Variants in BNC2 observed in about 807,000 individuals in gnomAD.
The protein encoded by BNC2 is basonuclin zinc finger protein 2.
BNC2 carries 20 observed loss-of-function variants against 76.3 expected under a neutral mutation model. The observed-to-expected ratio is 0.26, with a 90% CI of 0.18 to 0.38. BNC2 has a LOEUF of 0.38. Ranked by LOEUF, BNC2 falls within the 10% of genes least tolerant of loss-of-function variation. The pLI is 1.00. For missense variants in BNC2, 1,382 were observed against 1,399.8 expected (o/e 0.99, Z 0.20); for synonymous variants, 582 against 514.8 (o/e 1.13, Z -1.77).
intron 3 of BNC2, chr9:16,665,320 A>C (rs1822238904): frequency 3.4e-6 from 1 of 290,878 alleles, no homozygotes; most frequent in Admixed American, 4.7e-5. Context: ...CAGTAAGCTA[A>C]GACCGTGCCA....
At chr9:16,502,248 T>G (rs1042137102) in intron 5 of BNC2, among the ~76,000 whole-genome samples, 1 of 152,108 alleles carries the variant, frequency 6.6e-6, no homozygotes, top group Non-Finnish European at 1.5e-5. Flanking sequence ...TCTGTAGTGC[T>G]AGCTACTTGG....
chr9:16,751,616 G>A (rs76063901), intron 1 of BNC2, among the ~76,000 whole-genome samples: 60 of 9,034 alleles, frequency 6.6e-3, no homozygotes, highest in East Asian at 0.028. Context: ...ATATATATAT[G>A]TGTATATATA....
chr9:16,673,527 T>G (rs1173982684), intron 3 of BNC2, among the ~76,000 whole-genome samples: 1 of 151,980 alleles, frequency 6.6e-6, no homozygotes, highest in African/African-American at 2.4e-5. Context: ...GTCTTCTATA[T>G]ACACAAGTCC....
intron 3 of BNC2, among the ~76,000 whole-genome samples, chr9:16,718,522 T>C (rs968830900): frequency 2.0e-5 from 3 of 152,144 alleles, no homozygotes; most frequent in Admixed American, 6.5e-5. Context: ...CATCTGAAAT[T>C]TGAGTCAGAG....
At chr9:16,652,159 A>G (rs1366044613) in intron 3 of BNC2, among the ~76,000 whole-genome samples, 7 of 152,222 alleles carry the variant, frequency 4.6e-5, no homozygotes, top group Non-Finnish European at 1.0e-4. Context: ...GATGAGACAT[A>G]AAGACCCAAC....
chr9:16,485,209 C>G (rs926704929), intron 5 of BNC2, among the ~76,000 whole-genome samples: 5 of 152,100 alleles, frequency 3.3e-5, no homozygotes, highest in African/African-American at 1.2e-4. Flanking sequence ...CAGCTTCCAT[C>G]TAAATGATCG....
intron 4 of BNC2, among the ~76,000 whole-genome samples, chr9:16,580,636 T>C (rs1182251893): frequency 6.6e-6 from 1 of 152,158 alleles, no homozygotes; most frequent in Non-Finnish European, 1.5e-5. Context: ...GGACATTAAA[T>C]AGATAAAACA....
intron 5 of BNC2, among the ~76,000 whole-genome samples, chr9:16,438,174 A>C (rs539807504): frequency 6.6e-6 from 1 of 152,304 alleles, no homozygotes; most frequent in South Asian, 2.1e-4. Context: ...AGGAAGAGTA[A>C]GAAAAACATC....
chr9:16,460,292 A>T (rs748939022), intron 5 of BNC2, among the ~76,000 whole-genome samples: 5 of 152,022 alleles, frequency 3.3e-5, no homozygotes, highest in Non-Finnish European at 7.4e-5. Flanking sequence ...CTTGGAAATA[A>T]GTGGAGGTAA....
At chr9:16,626,037 G>C (rs1002597829) in intron 3 of BNC2, 1 of 152,236 alleles carries the variant, frequency 6.6e-6, no homozygotes, top group Non-Finnish European at 1.5e-5. Flanking sequence ...TAATGGATGA[G>C]GAGCTAGTTG....
intron 2 of BNC2, among the ~76,000 whole-genome samples, chr9:16,731,874 T>C (rs1824513930): frequency 6.6e-6 from 1 of 152,156 alleles, no homozygotes; most frequent in Non-Finnish European, 1.5e-5. Context: ...TTAAAAGTTG[T>C]AATTGCAGGA....
At chr9:16,479,557 T>G (rs1417670738) in intron 5 of BNC2, among the ~76,000 whole-genome samples, 1 of 152,226 alleles carries the variant, frequency 6.6e-6, no homozygotes, top group Non-Finnish European at 1.5e-5. Flanking sequence ...CACTTATGTA[T>G]CTACCATCTA....
intron 1 of BNC2, among the ~76,000 whole-genome samples, chr9:16,823,427 CAAAAA>C (rs34451487): frequency 8.8e-6 from 1 of 113,116 alleles, no homozygotes; most frequent in African/African-American, 3.7e-5. Context: ...CCTGTCTCTA[CAAAAA>C]AAAAAAAAAA....
chr9:16,784,942 T>C (rs576565217), intron 1 of BNC2, among the ~76,000 whole-genome samples: 3 of 152,306 alleles, frequency 2.0e-5, no homozygotes, highest in South Asian at 4.1e-4. Context: ...AGAAATAAGA[T>C]GACGATCATT....
At chr9:16,647,101 T>C (rs1821651239) in intron 3 of BNC2, among the ~76,000 whole-genome samples, 2 of 152,188 alleles carry the variant, frequency 1.3e-5, no homozygotes, top group Admixed American at 1.3e-4. Flanking sequence ...GTAGATGATA[T>C]TTCCCATGTA....
At chr9:16,439,087 T>G (rs1472406285) in intron 5 of BNC2, among the ~76,000 whole-genome samples, 1 of 152,194 alleles carries the variant, frequency 6.6e-6, no homozygotes, top group Non-Finnish European at 1.5e-5. Context: ...CGCATGCTCT[T>G]GCCTGCTTCC....
chr9:16,754,171 T>C (rs943318745), intron 1 of BNC2, among the ~76,000 whole-genome samples: 1 of 152,240 alleles, frequency 6.6e-6, no homozygotes. Flanking sequence ...TGCCAGTTGG[T>C]AAAATCTTTG....
At chr9:16,782,261 G>A (rs1030259782) in intron 1 of BNC2, among the ~76,000 whole-genome samples, 25 of 151,744 alleles carry the variant, frequency 1.6e-4, no homozygotes, top group Non-Finnish European at 2.9e-5. Context: ...CTCCAGCCTG[G>A]TGACAGAGCA....
At chr9:16,714,912 A>G (rs769578313) in intron 3 of BNC2, among the ~76,000 whole-genome samples, 3 of 152,238 alleles carry the variant, frequency 2.0e-5, no homozygotes, top group Non-Finnish European at 4.4e-5. Context: ...AAATATAGAC[A>G]GGCATTTTAA....
Sources: allele counts gnomAD v4.1 joint callset (sites outside exome capture counted in the v4.1 genomes callset), GRCh38; gene constraint gnomAD v4.1.1; transcripts MANE v1.5; gene names NCBI Gene and HGNC (gene_info 2026-07-23, HGNC 2026-07-21).